AKAP6: variants seen among roughly 807,000 people sequenced by gnomAD.
The protein encoded by AKAP6 is A-kinase anchoring protein 6.
A neutral mutation model predicts 188.5 loss-of-function variants in AKAP6; 58 were observed. The observed-to-expected ratio is 0.31, with a 90% confidence interval of 0.25 to 0.38. AKAP6 has a LOEUF of 0.38. Among genes scored for constraint, AKAP6 ranks in the 10% least tolerant of loss-of-function variants. The pLI, the probability that AKAP6 is intolerant of heterozygous loss-of-function variation, is 1.00. For missense variants in AKAP6, 2,710 were observed against 2,740.0 expected (o/e 0.99, Z 0.24); for synonymous variants, 989 against 998.6 (o/e 0.99, Z 0.18).
In AKAP6 at chr14:32,591,859, G is replaced by A. The variant is rs529462758; in HGVS notation, c.2470-7551G>A. 3.3e-5 allele frequency among the ~76,000 whole-genome samples: 5 copies of A among 152,228 alleles called. No homozygotes were observed. The South Asian group carries it at 1.0e-3, about 32-fold the overall frequency. On this transcript the variant is annotated intron_variant, in intron 5 of 13. Transcript: ENST00000280979. ...TTTGTTGGGGAAATAGACAATTGTG[G>A]TAGCGGCTGACCATTTATTTAATTA...
At chr14:32,712,215 G>A (rs557446670) in intron 9 of AKAP6, among the ~76,000 whole-genome samples, 37 of 152,098 alleles carry the variant, frequency 2.4e-4, no homozygotes, top group African/African-American at 8.4e-4. Context: ...GCTGTTAAGT[G>A]TGCAATAGCA....
intron 5 of AKAP6, among the ~76,000 whole-genome samples, chr14:32,599,116 A>C (rs1309169223): frequency 6.6e-6 from 1 of 152,208 alleles, no homozygotes; most frequent in Admixed American, 6.5e-5. Flanking sequence ...GAAATTCAGT[A>C]TATTTTATAG....
chr14:32,762,860 G>T (rs2032584811), intron 11 of AKAP6, among the ~76,000 whole-genome samples: 1 of 151,906 alleles, frequency 6.6e-6, no homozygotes, highest in Non-Finnish European at 1.5e-5. Flanking sequence ...AAGATCTTTA[G>T]GTCAAAAGGT....
intron 1 of AKAP6, among the ~76,000 whole-genome samples, chr14:32,357,719 T>C (rs1887528240): frequency 6.6e-6 from 1 of 152,214 alleles, no homozygotes; most frequent in African/African-American, 2.4e-5. Flanking sequence ...CTTTAGGAAA[T>C]TGTCATAATA....
chr14:32,559,848 C>T lies in AKAP6; in HGVS notation c.2346+12849C>T, dbSNP rs117157054. On this transcript the variant is annotated intron_variant, in intron 4 of 13. Coordinates refer to ENST00000280979, the MANE Select transcript of AKAP6 (RefSeq NM_004274.5). ...GTTGCCAGGCTGGAGGGCAGTGGTG[C>T]AATCTCCTCTAAGCCTAATCTTAAG... 1.4e-3 allele frequency among the ~76,000 whole-genome samples: 206 copies of T among 145,998 alleles called. 5 individuals carry two copies. The East Asian group carries it at 0.039, about 28-fold the overall frequency.
intron 4 of AKAP6, among the ~76,000 whole-genome samples, chr14:32,560,145 A>G (rs1883887471): frequency 6.6e-6 from 1 of 152,176 alleles, no homozygotes; most frequent in Non-Finnish European, 1.5e-5. Context: ...TGGGGCCCAA[A>G]TCCAGTTTGG....
intron 7 of AKAP6, among the ~76,000 whole-genome samples, chr14:32,632,547 T>C (rs1158966339): frequency 6.6e-6 from 1 of 152,086 alleles, no homozygotes; most frequent in Non-Finnish European, 1.5e-5. Context: ...CAGCAAACTT[T>C]ATGCTCAGAG....
chr14:32,747,715 A>G (rs35654417), intron 11 of AKAP6, among the ~76,000 whole-genome samples: 16,162 of 152,224 alleles, frequency 0.11, 1,080 homozygotes, highest in East Asian at 0.37. Context: ...TATTCACACT[A>G]CTGTCTGAGG....
At chr14:32,478,713 G>A (rs1332876650) in intron 2 of AKAP6, among the ~76,000 whole-genome samples, 2 of 152,146 alleles carry the variant, frequency 1.3e-5, no homozygotes, top group Non-Finnish European at 2.9e-5. Context: ...ACATTGTGAT[G>A]ACTAAATATA....
chr14:32,525,027 C>T (rs1882049648), intron 2 of AKAP6, among the ~76,000 whole-genome samples: 1 of 152,140 alleles, frequency 6.6e-6, no homozygotes, highest in African/African-American at 2.4e-5. Flanking sequence ...AAAATCAGTT[C>T]TATGAAGATG....
At chr14:32,748,648 C>T (rs1009129352) in intron 11 of AKAP6, among the ~76,000 whole-genome samples, 3 of 152,072 alleles carry the variant, frequency 2.0e-5, no homozygotes, top group African/African-American at 7.2e-5. Flanking sequence ...CTAGATAAAA[C>T]CATAAGAGAA....
intron 2 of AKAP6, among the ~76,000 whole-genome samples, chr14:32,463,409 C>T (rs1342517393): frequency 2.0e-5 from 3 of 152,166 alleles, no homozygotes; most frequent in Admixed American, 6.5e-5. Context: ...TCTCTCAGAC[C>T]ACAGTGAAAT....
chr14:32,696,688 C>T (rs1890416869), intron 9 of AKAP6, among the ~76,000 whole-genome samples: 1 of 152,024 alleles, frequency 6.6e-6, no homozygotes, highest in East Asian at 1.9e-4. Context: ...TAATAACTAT[C>T]TATATTGTTT....
intron 5 of AKAP6, among the ~76,000 whole-genome samples, chr14:32,590,237 C>A (rs1225738265): frequency 1.3e-5 from 2 of 151,890 alleles, no homozygotes; most frequent in African/African-American, 4.8e-5. Context: ...GCCCACCCTC[C>A]CCTCAGCTGT....
chr14:32,805,419 T>TAGG (rs1474335570), intron 12 of AKAP6, among the ~76,000 whole-genome samples: 5 of 152,312 alleles, frequency 3.3e-5, no homozygotes, highest in Middle Eastern at 3.4e-3. Context: ...ATCCTGCGTG[T>TAGG]AGGAGGAGAG....
intron 12 of AKAP6, among the ~76,000 whole-genome samples, chr14:32,795,662 T>C (rs967447620): frequency 1.3e-5 from 2 of 152,092 alleles, no homozygotes; most frequent in Non-Finnish European, 2.9e-5. Context: ...GAGCCATTTA[T>C]GACAAATCAA....
At chr14:32,590,478 A>G (rs1229424669) in intron 5 of AKAP6, among the ~76,000 whole-genome samples, 2 of 152,112 alleles carry the variant, frequency 1.3e-5, no homozygotes, top group Non-Finnish European at 2.9e-5. Context: ...AAACAAACAA[A>G]CAAAATCTGC....
Position 32,678,387 on chromosome 14 carries a change from A to G in AKAP6, c.2807A>G (p.Gln936Arg), listed in dbSNP as rs1228757457. ...EQMSLKLYSE[Q>R]YTSSSKRKEE... ...ATGTCCCTCAAGCTGTACAGCGAGC[A>G]GTATACCAGCAGCAGCAAGCGAAAG... Residue 936 changes from glutamine to arginine, a missense_variant, in exon 8 of 14, where the codon CAG (glutamine) becomes CGG (arginine). Transcript: ENST00000280979. 5 of 1,613,864 alleles carry G rather than the reference A, an allele frequency of 3.1e-6. No homozygotes were observed. The East Asian group carries it at 6.7e-5, about 22-fold the overall frequency.
At chr14:32,664,786 A>G (rs963138271) in intron 7 of AKAP6, among the ~76,000 whole-genome samples, 1 of 152,024 alleles carries the variant, frequency 6.6e-6, no homozygotes, top group East Asian at 1.9e-4. Flanking sequence ...TCAGCTTCAC[A>G]TGGTCTACTC....
Sources: allele counts gnomAD v4.1 joint callset (sites outside exome capture counted in the v4.1 genomes callset), GRCh38; gene constraint gnomAD v4.1.1; transcripts MANE v1.5; gene names NCBI Gene and HGNC (gene_info 2026-07-23, HGNC 2026-07-21).